The following AK9 variants were observed in gnomAD, a reference collection of about 807,000 sequenced individuals.
The protein encoded by AK9 is adenylate kinase 9, also known as adenylate kinase domain containing 1.
AK9 carries 191 observed loss-of-function variants against 239.6 expected under a neutral mutation model. That is an observed-to-expected ratio of 0.80 (90% CI 0.71 to 0.90). The LOEUF (loss-of-function observed/expected upper bound fraction) is 0.90, where lower values mean the gene tolerates loss of function less well. Ranked by LOEUF, AK9 falls within the 40% of genes least tolerant of loss-of-function variation. The pLI is 0.00. For missense variants in AK9, 1,995 were observed against 2,214.7 expected (o/e 0.90, Z 1.99); for synonymous variants, 689 against 721.0 (o/e 0.96, Z 0.71).
intron 24 of AK9, 71 bp from the exon 25 acceptor site, chr6:109,550,373 A>G (rs1784218043): frequency 7.3e-7 from 1 of 1,362,506 alleles, no homozygotes; most frequent in Non-Finnish European, 1.0e-6. Flanking sequence ...ATTTTTTAAA[A>G]TGCTTCTTGA....
intron 12 of AK9, among the ~76,000 whole-genome samples, chr6:109,621,764 G>A (rs1272023243): frequency 7.0e-6 from 1 of 143,804 alleles, no homozygotes; most frequent in Non-Finnish European, 1.5e-5. Flanking sequence ...ATGGGGGAGG[G>A]ATAGCATTGG....
chr6:109,622,306 C>T (rs1022312468), intron 12 of AK9, among the ~76,000 whole-genome samples: 3 of 142,714 alleles, frequency 2.1e-5, no homozygotes, highest in Admixed American at 7.2e-5. Flanking sequence ...TGTATACATA[C>T]ACATACATGT....
intron 8 of AK9, among the ~76,000 whole-genome samples, chr6:109,648,042 G>A (rs1278737651): frequency 2.6e-5 from 4 of 151,956 alleles, no homozygotes; most frequent in Non-Finnish European, 4.4e-5. Context: ...TGAAACCAAC[G>A]AGAACAAAGA....
chr6:109,641,250 C>A (rs1035994926), intron 10 of AK9, among the ~76,000 whole-genome samples: 1 of 149,392 alleles, frequency 6.7e-6, no homozygotes, highest in Admixed American at 6.7e-5. Context: ...CTCACTGCAG[C>A]CTTAACCTCC....
chr6:109,644,274 C>A (rs1583395125), intron 9 of AK9, among the ~76,000 whole-genome samples: 1 of 152,080 alleles, frequency 6.6e-6, no homozygotes, highest in East Asian at 1.9e-4. Flanking sequence ...TTACTTTGGT[C>A]ATCCTAGAAG....
chr6:109,550,095 A>T lies in AK9; in HGVS notation c.2959T>A (p.Leu987Met). 1 of 1,613,624 alleles carries T rather than the reference A, an allele frequency of 6.2e-7. No individual in the cohort carries two copies. Among genetic ancestry groups the T allele is most frequent in the Non-Finnish European group, 8.5e-7 (1 of 1,179,934 alleles). ...AGATAGGAATACTGTCTCACCTTCA[A>T]TGGTTCTTCATGAGCCACATAATCC... ...PEDYVAHEEPLKAPPLRICLV... is the reference protein window; with the variant it reads ...PEDYVAHEEPMKAPPLRICLV... The change falls in exon 25 of 41, where the codon TTG (leucine) becomes ATG (methionine). Residue 987 changes from leucine (L) to methionine (M), a missense_variant. Leu to Met is a conservative substitution (Grantham distance 15). Coordinates refer to ENST00000424296, the MANE Select transcript of AK9 (RefSeq NM_001145128.3).
chr6:109,503,771 T>G (rs1777825494), intron 35 of AK9, among the ~76,000 whole-genome samples: 1 of 152,164 alleles, frequency 6.6e-6, no homozygotes, highest in South Asian at 2.1e-4. Context: ...CACTGATTGC[T>G]CACAGCTGGA....
intron 29 of AK9, among the ~76,000 whole-genome samples, chr6:109,524,072 C>T (rs1468049684): frequency 6.6e-6 from 1 of 151,802 alleles, no homozygotes; most frequent in Non-Finnish European, 1.5e-5. Context: ...GATCACCAAA[C>T]AAGAACTTTT....
rs993988604 is a variant in AK9 at position 109,503,983 on chromosome 6, G to A, written c.4849+2344C>T. Among the ~76,000 whole-genome samples, 10 of 152,142 alleles carry A rather than the reference G, an allele frequency of 6.6e-5. No individual in the cohort carries two copies. In the East Asian group the frequency reaches 7.7e-4, roughly 12 times the overall value. ...GGCTTCTGTTCCCACCACACTGCAG[G>A]TTAGTTTCTCCCTCTGCCCAATTTG... On this transcript the variant is annotated intron_variant, in intron 35 of 40. Transcript: ENST00000424296.
intron 12 of AK9, among the ~76,000 whole-genome samples, chr6:109,623,743 A>G (rs1451061316): frequency 6.6e-6 from 1 of 152,114 alleles, no homozygotes; most frequent in Non-Finnish European, 1.5e-5. Flanking sequence ...TATGCTGTCA[A>G]AAGTTTTACT....
At chr6:109,587,284 A>C (rs1789626283) in intron 17 of AK9, among the ~76,000 whole-genome samples, 1 of 152,212 alleles carries the variant, frequency 6.6e-6, no homozygotes. Context: ...ATTTTCAAAC[A>C]ATTTTACAAT....
intron 17 of AK9, among the ~76,000 whole-genome samples, chr6:109,589,487 G>A (rs949831933): frequency 4.6e-5 from 7 of 152,196 alleles, no homozygotes; most frequent in African/African-American, 1.7e-4. Flanking sequence ...AATCTTTAGG[G>A]TTTTCTAGGT....
At chr6:109,579,372 C>A in intron 20 of AK9, 178 bp downstream of exon 20, 1 of 568,746 alleles carries the variant, frequency 1.8e-6, no homozygotes, top group Non-Finnish European at 3.1e-6. Context: ...AGTATACAAA[C>A]TGGAACACTT....
At chr6:109,676,436 T>C (rs1428477111) in intron 1 of AK9, among the ~76,000 whole-genome samples, 2 of 152,106 alleles carry the variant, frequency 1.3e-5, no homozygotes, top group African/African-American at 2.4e-5. Context: ...AACAGTTTAT[T>C]TGTTTTTGAA....
intron 1 of AK9, among the ~76,000 whole-genome samples, chr6:109,683,026 A>G (rs1772911877): frequency 6.6e-6 from 1 of 152,234 alleles, no homozygotes. Context: ...TGAATGCAGC[A>G]GCACATCAAA....
intron 1 of AK9, among the ~76,000 whole-genome samples, chr6:109,680,146 C>T (rs1041984795): frequency 6.6e-6 from 1 of 152,116 alleles, no homozygotes; most frequent in Admixed American, 6.5e-5. Flanking sequence ...TGGATAATAA[C>T]AAACTCCTCC....
At chr6:109,598,025 C>G (rs1364893146) in intron 17 of AK9, among the ~76,000 whole-genome samples, 1 of 152,062 alleles carries the variant, frequency 6.6e-6, no homozygotes, top group African/African-American at 2.4e-5. Flanking sequence ...ATTATAAATA[C>G]TTTCCCCAGC....
At chr6:109,671,883 G>T (rs773162947) in intron 5 of AK9, 36 bp downstream of exon 5, 2 of 1,588,848 alleles carry the variant, frequency 1.3e-6, no homozygotes, top group Admixed American at 1.7e-5. Context: ...TTTTAAGGCT[G>T]CTTTGTGGGC....
chr6:109,564,052 T>C (rs1326402220), intron 23 of AK9, 28 bp downstream of exon 23: 1 of 1,528,264 alleles, frequency 6.5e-7, no homozygotes. Flanking sequence ...CTGCTGTTGA[T>C]AATAAATGTT....
Sources: allele counts gnomAD v4.1 joint callset (sites outside exome capture counted in the v4.1 genomes callset), GRCh38; gene constraint gnomAD v4.1.1; transcripts MANE v1.5; gene names NCBI Gene and HGNC (gene_info 2026-07-23, HGNC 2026-07-21).